SSR3: variants seen among roughly 807,000 people sequenced by gnomAD.
SSR3 encodes the protein translocon-associated protein subunit gamma.
A neutral mutation model predicts 22.1 loss-of-function variants in SSR3; 10 were observed. The ratio of observed to expected loss-of-function variants is 0.45; its 90% confidence interval spans 0.28 to 0.77. SSR3 has a LOEUF of 0.77. Among genes scored for constraint, SSR3 ranks in the 30% least tolerant of loss-of-function variants. SSR3 has a pLI of 0.13. For missense variants in SSR3, 181 were observed against 220.5 expected (o/e 0.82, Z 1.13); for synonymous variants, 104 against 82.5 (o/e 1.26, Z -1.42).
At chr3:156,549,281 A>G (rs1308562973) in intron 2 of SSR3, among the ~76,000 whole-genome samples, 2 of 152,256 alleles carry the variant, frequency 1.3e-5, no homozygotes, top group African/African-American at 4.8e-5. Flanking sequence ...TGGTTAATAA[A>G]GTCAAATGCT....
intron 2 of SSR3, among the ~76,000 whole-genome samples, chr3:156,551,019 TCTA>T (rs1461853160): frequency 6.6e-6 from 1 of 152,198 alleles, no homozygotes; most frequent in African/African-American, 2.4e-5. Context: ...CCATCTTCCT[TCTA>T]CTGCCAACAG....
intron 1 of SSR3, chr3:156,554,736 C>CT: frequency 1.7e-6 from 1 of 587,738 alleles, no homozygotes. Flanking sequence ...AACGTGCGTA[C>CT]TTTTAACAAG....
At chr3:156,550,866 A>G (rs1465848885) in intron 2 of SSR3, among the ~76,000 whole-genome samples, 2 of 152,170 alleles carry the variant, frequency 1.3e-5, no homozygotes, top group Non-Finnish European at 2.9e-5. Context: ...ATCATAATGA[A>G]TCCTCACCAC....
chr3:156,541,844 G>A lies in SSR3; in HGVS notation c.*1359C>T, dbSNP rs1719533119. 6.6e-6 allele frequency: 1 copy of A among 152,102 alleles called. No homozygotes were observed. The highest frequency in any genetic ancestry group is 2.1e-4 in the South Asian group (1 of 4,814). The allele number at this position is 152,102 out of a possible 1,614,324, so 9.4% of individuals were successfully genotyped here. A position where few individuals can be genotyped will look rare whatever the true frequency, so the allele number is the denominator to read the frequency against. The stretch of plus-strand genomic sequence containing the variant: ...TGATGATCTGGGTCATTATGCAAAT[G>A]CATTCCTGCCTGTTTTTCTTCCAAG... On this transcript the variant is annotated 3_prime_UTR_variant, in exon 5 of 5. Coordinates refer to ENST00000265044, the MANE Select transcript of SSR3 (RefSeq NM_007107.5).
At chr3:156,550,915 G>A (rs80082027) in intron 2 of SSR3, among the ~76,000 whole-genome samples, 4,967 of 152,196 alleles carry the variant, frequency 0.033, 277 homozygotes, top group African/African-American at 0.11. Context: ...TTATAGCTGA[G>A]GAATCTGAAG....
chr3:156,543,189 G>GA lies in SSR3; in HGVS notation c.*13dup. On this transcript the variant is annotated 3_prime_UTR_variant, in exon 5 of 5. Coordinates refer to ENST00000265044, the MANE Select transcript of SSR3 (RefSeq NM_007107.5). ...ACCCATAGACACAAAGCCAGGGGGT[G>GA]AAGCTGACATGGTCTATTTGGAGCC... 6.2e-7 allele frequency: 1 copy of GA among 1,612,806 alleles called. No homozygotes were observed. The highest frequency in any genetic ancestry group is 8.5e-7 in the Non-Finnish European group (1 of 1,179,446).
At chr3:156,548,149 A>ATG (rs1344620647) in intron 3 of SSR3, among the ~76,000 whole-genome samples, 1 of 152,208 alleles carries the variant, frequency 6.6e-6, no homozygotes, top group Non-Finnish European at 1.5e-5. Context: ...AAACCAGCAG[A>ATG]TCCACAACTA....
In SSR3 at chr3:156,541,470, G is replaced by GTA. The variant is rs1719495898; in HGVS notation, c.*1731_*1732dup. 6.6e-6 allele frequency: 1 copy of GTA among 152,032 alleles called. No individual in the cohort carries two copies. The highest frequency in any genetic ancestry group is 2.1e-4 in the South Asian group (1 of 4,810). 9.4% of individuals were successfully genotyped at this position (152,032 alleles called of 1,614,324 possible). ...TCTCACCCTTGCCACCCAGGCAGTAGTAGCACGATCTCGACTCACCGCAAC... is the reference window on the plus strand; with the variant it reads ...TCTCACCCTTGCCACCCAGGCAGTAGTATAGCACGATCTCGACTCACCGCAAC... On this transcript the variant is annotated 3_prime_UTR_variant, in exon 5 of 5. Coordinates refer to ENST00000265044, the MANE Select transcript of SSR3 (RefSeq NM_007107.5).
In SSR3 at chr3:156,541,932, A is replaced by T. The variant is rs1038486475; in HGVS notation, c.*1271T>A. ...GTGGAAGTTAAACTCCCGATGAATA[A>T]TTTTTATAAAATTATAAAGAAAACA... On this transcript the variant is annotated 3_prime_UTR_variant, in exon 5 of 5. Coordinates refer to ENST00000265044, the MANE Select transcript of SSR3 (RefSeq NM_007107.5). The T allele has an allele frequency of 8.5e-5, 13 of 152,312 alleles. No individual in the cohort carries two copies. The highest frequency in any genetic ancestry group is 3.1e-4 in the African/African-American group (13 of 41,566). The allele number at this position is 152,312 out of a possible 1,614,324, so 9.4% of individuals were successfully genotyped here.
Position 156,553,012 on chromosome 3 carries a change from G to A in SSR3, c.260+643C>T, listed in dbSNP as rs553751044. 2.0e-5 allele frequency among the ~76,000 whole-genome samples: 3 copies of A among 149,886 alleles called. No homozygotes were observed. In the East Asian group the frequency reaches 5.9e-4, roughly 29 times the overall value. ...TTTATACACTTGTATGAAAACAAAC[G>A]TAATTAGCATTGAAAATGACAGAGA... On this transcript the variant is annotated intron_variant, in intron 2 of 4. Transcript: ENST00000265044.
chr3:156,548,946 T>C lies in SSR3; in HGVS notation c.318A>G (p.Glu106=), dbSNP rs1285859948. 1.9e-6 allele frequency: 3 copies of C among 1,613,496 alleles called. No homozygotes were observed. The highest frequency in any genetic ancestry group is 2.5e-6 in the Non-Finnish European group (3 of 1,179,832). ...VSKEVTRKLS[E]ADNRKMSRKE... The stretch of plus-strand genomic sequence containing the variant: ...TCCGAGACATCTTTCTATTATCAGC[T>C]TCAGAAAGTTTTCGAGTCACTTCTT... Residue 106 remains glutamate (E), a synonymous_variant, in exon 3 of 5, where the codon GAA becomes GAG. Coordinates refer to ENST00000265044, the MANE Select transcript of SSR3 (RefSeq NM_007107.5).
At chr3:156,553,590 A>G in intron 2 of SSR3, 65 bp downstream of exon 2, 26 of 1,516,810 alleles carry the variant, frequency 1.7e-5, no homozygotes, top group Non-Finnish European at 2.3e-5. Flanking sequence ...CACACAAATG[A>G]TCTTTAAGAA....
rs1279877932 is a variant in SSR3 at position 156,540,590 on chromosome 3, A to T, written c.*2613T>A. 1 of 117,480 alleles carries T rather than the reference A, an allele frequency of 8.5e-6. No homozygotes were observed. Among genetic ancestry groups the T allele is most frequent in the Non-Finnish European group, 1.6e-5 (1 of 60,820 alleles). 7.3% of individuals were successfully genotyped at this position (117,480 alleles called of 1,614,324 possible). ...CACTGTACTCCAGCCTGGGTGACAG[A>T]GCGAGACGCTGTCTCAAAAAAAAAA... On this transcript the variant is annotated 3_prime_UTR_variant, in exon 5 of 5. Transcript: ENST00000265044.
intron 2 of SSR3, 42 bp downstream of exon 2, chr3:156,553,613 T>C: frequency 6.3e-7 from 1 of 1,580,620 alleles, no homozygotes; most frequent in South Asian, 1.2e-5. Context: ...CATATAAAAA[T>C]ATAACATGTA....
rs1719569337 is a variant in SSR3 at position 156,542,215 on chromosome 3, AAG to A, written c.*986_*987del. ...CTCTCAGCTGGATCCCCAAGGGCTAAAGAGATAAATATCTTGCTCACAATCAA... is the reference window on the plus strand; with the variant it reads ...CTCTCAGCTGGATCCCCAAGGGCTAAAGATAAATATCTTGCTCACAATCAA... On this transcript the variant is annotated 3_prime_UTR_variant, in exon 5 of 5. Coordinates refer to ENST00000265044, the MANE Select transcript of SSR3 (RefSeq NM_007107.5). The A allele has an allele frequency of 6.6e-6, 1 of 152,262 alleles. No individual in the cohort carries two copies. The highest frequency in any genetic ancestry group is 1.5e-5 in the Non-Finnish European group (1 of 68,052). The allele number at this position is 152,262 out of a possible 1,614,324, so 9.4% of individuals were successfully genotyped here. A position where few individuals can be genotyped will look rare whatever the true frequency, so the allele number is the denominator to read the frequency against.
intron 2 of SSR3, among the ~76,000 whole-genome samples, chr3:156,550,869 C>T (rs930583454): frequency 1.3e-5 from 2 of 152,048 alleles, no homozygotes; most frequent in African/African-American, 2.4e-5. Flanking sequence ...ATAATGAATC[C>T]TCACCACCCT....
chr3:156,545,918 T>A (rs1719742898), intron 3 of SSR3, among the ~76,000 whole-genome samples: 1 of 152,234 alleles, frequency 6.6e-6, no homozygotes, highest in Non-Finnish European at 1.5e-5. Flanking sequence ...TCAGGACAAC[T>A]GCCTCCATTT....
At position 156,541,510 on chromosome 3, in the gene SSR3, T is replaced by G. The variant is rs1129104; in HGVS notation, c.*1693A>C. 6.6e-6 allele frequency: 1 copy of G among 152,156 alleles called. No individual in the cohort carries two copies. The highest frequency in any genetic ancestry group is 2.4e-5 in the African/African-American group (1 of 41,414). 9.4% of individuals were successfully genotyped at this position (152,156 alleles called of 1,614,324 possible). A position where few individuals can be genotyped will look rare whatever the true frequency, so the allele number is the denominator to read the frequency against. ...CTCACCGCAACCTCTGCCTCCTGGG[T>G]TCAGGCAGTTCTCCTGCTTCAGCCT... On this transcript the variant is annotated 3_prime_UTR_variant, in exon 5 of 5. Transcript: ENST00000265044.
Position 156,544,367 on chromosome 3 carries a change from CAG to C in SSR3, c.430_431del (p.Leu144ValfsTer78). 6.2e-7 allele frequency: 1 copy of C among 1,601,262 alleles called. No individual in the cohort carries two copies. The highest frequency in any genetic ancestry group is 8.5e-7 in the Non-Finnish European group (1 of 1,173,716). Reference sequence around the variant, plus strand: ...AAGCAACAATGACCACGACCAGGAACAGAGTGTTGTTATAGAAGATGGAAAAT... The same window carrying C: ...AAGCAACAATGACCACGACCAGGAACAGTGTTGTTATAGAAGATGGAAAAT... ...TTFSIFYNNTLFLVVVIVASF... is the reference protein window; with the variant it reads ...TTFSIFYNNTXFLVVVIVASF... On this transcript the variant is annotated frameshift_variant, in exon 4 of 5. Coordinates refer to ENST00000265044, the MANE Select transcript of SSR3 (RefSeq NM_007107.5). LOFTEE classifies it high-confidence loss of function.
Sources: allele counts gnomAD v4.1 joint callset (sites outside exome capture counted in the v4.1 genomes callset), GRCh38; gene constraint gnomAD v4.1.1; transcripts MANE v1.5; gene names NCBI Gene and HGNC (gene_info 2026-07-23, HGNC 2026-07-21).